Variants in ETV1 observed in about 807,000 individuals in gnomAD.
The protein encoded by ETV1 is ETS variant transcription factor 1, also known as ETS translocation variant 1.
In ETV1, 27 loss-of-function variants were observed where a neutral mutation model predicts 62.3. That is an observed-to-expected ratio of 0.43 (90% CI 0.32 to 0.60). The LOEUF is 0.60. Among genes scored for constraint, ETV1 ranks in the 20% least tolerant of loss-of-function variants. The pLI is 0.06. For synonymous variants in ETV1, 222 were observed against 199.6 expected, an observed-to-expected ratio of 1.11 and a Z score of -0.94; for missense variants, 605 against 605.8, an observed-to-expected ratio of 1.00 and a Z score of 0.01.
intron 9 of ETV1, among the ~76,000 whole-genome samples, chr7:13,911,701 ATT>A (rs996381409): frequency 6.6e-6 from 1 of 152,222 alleles, no homozygotes; most frequent in Non-Finnish European, 1.5e-5. Flanking sequence ...CATTGGAAAT[ATT>A]TAGAAGCTTT....
At chr7:13,986,440 TTGTGATGAC>T (rs753783093) in intron 5 of ETV1, 189 bp downstream of exon 5, 267 of 1,492,194 alleles carry the variant, frequency 1.8e-4, no homozygotes, top group South Asian at 2.5e-4. Context: ...TCCTGGTAAT[TTGTGATGAC>T]ACTGGGTAGT....
chr7:13,951,665 C>T (rs1583768708), intron 6 of ETV1, among the ~76,000 whole-genome samples: 1 of 152,148 alleles, frequency 6.6e-6, no homozygotes, highest in East Asian at 1.9e-4. Flanking sequence ...AACTGAAGGA[C>T]TTCTGGTAAG....
At chr7:13,983,000 CCTGA>C (rs1302858715) in intron 5 of ETV1, among the ~76,000 whole-genome samples, 1 of 151,962 alleles carries the variant, frequency 6.6e-6, no homozygotes, top group East Asian at 1.9e-4. Flanking sequence ...TTTAAGTTGA[CCTGA>C]CTGTTGTTTG....
chr7:13,984,374 C>T (rs189090947), intron 5 of ETV1, among the ~76,000 whole-genome samples: 39 of 152,050 alleles, frequency 2.6e-4, no homozygotes, highest in African/African-American at 9.2e-4. Flanking sequence ...TACAAATAAA[C>T]TAGGGTAATT....
chr7:13,928,822 G>A (rs112895373), intron 9 of ETV1, among the ~76,000 whole-genome samples: 1 of 152,106 alleles, frequency 6.6e-6, no homozygotes, highest in Non-Finnish European at 1.5e-5. Context: ...GCCGGGTGTG[G>A]TGGTGGGTGC....
intron 11 of ETV1, 86 bp from the exon 12 acceptor site, chr7:13,906,685 G>A: frequency 9.9e-7 from 1 of 1,012,994 alleles, no homozygotes; most frequent in Non-Finnish European, 1.4e-6. Flanking sequence ...CACTAATATG[G>A]TTAAACCACA....
chr7:13,988,719 CTT>C (rs1227319647), intron 3 of ETV1: 8 of 1,612,518 alleles, frequency 5.0e-6, no homozygotes, highest in Non-Finnish European at 6.8e-6. Context: ...CAGCCAAAAA[CTT>C]TGAGTGCAGC....
At chr7:13,920,879 T>A (rs1343232873) in intron 9 of ETV1, among the ~76,000 whole-genome samples, 1 of 152,166 alleles carries the variant, frequency 6.6e-6, no homozygotes, top group Non-Finnish European at 1.5e-5. Flanking sequence ...AAAGGCAAAG[T>A]CAAATTGTGA....
intron 9 of ETV1, among the ~76,000 whole-genome samples, chr7:13,915,333 G>A (rs1450784458): frequency 6.6e-6 from 1 of 152,150 alleles, no homozygotes; most frequent in Non-Finnish European, 1.5e-5. Context: ...CATATACTCA[G>A]TAAAAAATGT....
At position 13,894,933 on chromosome 7, in the gene ETV1, T is replaced by A; in HGVS notation, c.*933A>T. 4.3e-6 allele frequency: 1 copy of A among 232,972 alleles called. No homozygotes were observed. 14.4% of individuals were successfully genotyped at this position (232,972 alleles called of 1,614,324 possible). A position where few individuals can be genotyped will look rare whatever the true frequency, so the allele number is the denominator to read the frequency against. ...AACTAGAACAGCATAATACATGATTTAGTACAGTTAATTCTTATTGATTAA... is the reference window on the plus strand; with the variant it reads ...AACTAGAACAGCATAATACATGATTAAGTACAGTTAATTCTTATTGATTAA... On this transcript the variant is annotated 3_prime_UTR_variant, in exon 14 of 14. Transcript: ENST00000430479.
chr7:13,942,166 G>A (rs1052267130), intron 6 of ETV1, among the ~76,000 whole-genome samples: 4 of 151,598 alleles, frequency 2.6e-5, no homozygotes, highest in Non-Finnish European at 5.9e-5. Flanking sequence ...TGGGACTACA[G>A]GCGCCCGCCA....
chr7:13,945,945 C>T (rs1224203814), intron 6 of ETV1, among the ~76,000 whole-genome samples: 1 of 152,184 alleles, frequency 6.6e-6, no homozygotes, highest in East Asian at 1.9e-4. Context: ...TTTCGTTGAA[C>T]ACGGCTCCAG....
chr7:13,950,638 T>C (rs1788687331), intron 6 of ETV1, among the ~76,000 whole-genome samples: 1 of 152,064 alleles, frequency 6.6e-6, no homozygotes, highest in African/African-American at 2.4e-5. Flanking sequence ...GAGAATACCA[T>C]AACATCTTAA....
At chr7:13,966,467 T>C (rs940302282) in intron 6 of ETV1, among the ~76,000 whole-genome samples, 2 of 151,898 alleles carry the variant, frequency 1.3e-5, no homozygotes, top group Non-Finnish European at 2.9e-5. Flanking sequence ...ACCCCATCTC[T>C]ACAAAAAAAT....
intron 10 of ETV1, 128 bp from the exon 11 acceptor site, chr7:13,909,828 C>G: frequency 1.3e-6 from 1 of 744,766 alleles, no homozygotes; most frequent in Non-Finnish European, 2.3e-6. Context: ...TTCCTTGAGC[C>G]CTGGACACAT....
At chr7:13,965,050 C>G (rs1790625168) in intron 6 of ETV1, among the ~76,000 whole-genome samples, 3 of 152,140 alleles carry the variant, frequency 2.0e-5, no homozygotes, top group Non-Finnish European at 4.4e-5. Context: ...ACCTCCGCCG[C>G]TGCTGCTACT....
intron 9 of ETV1, among the ~76,000 whole-genome samples, chr7:13,918,821 A>G (rs1048882481): frequency 2.0e-5 from 3 of 150,794 alleles, no homozygotes; most frequent in African/African-American, 7.3e-5. Context: ...ACATGTATAC[A>G]TATGTAACTA....
intron 6 of ETV1, among the ~76,000 whole-genome samples, chr7:13,950,615 T>G (rs1054679997): frequency 6.6e-6 from 1 of 152,102 alleles, no homozygotes; most frequent in African/African-American, 2.4e-5. Context: ...AAAATTCAAC[T>G]GTCTCTACAT....
intron 6 of ETV1, among the ~76,000 whole-genome samples, chr7:13,964,256 GA>G (rs1489020482): frequency 6.6e-6 from 1 of 152,158 alleles, no homozygotes; most frequent in Non-Finnish European, 1.5e-5. Context: ...ACACTACTGA[GA>G]GGTTTGCTTC....
Sources: allele counts gnomAD v4.1 joint callset (sites outside exome capture counted in the v4.1 genomes callset), GRCh38; gene constraint gnomAD v4.1.1; transcripts MANE v1.5; gene names NCBI Gene and HGNC (gene_info 2026-07-23, HGNC 2026-07-21).